TAS2R1: variants seen among roughly 807,000 people sequenced by gnomAD.
The protein encoded by TAS2R1 is taste 2 receptor member 1.
For synonymous variants in TAS2R1, 141 were observed against 134.2 expected, an observed-to-expected ratio of 1.05 and a Z score of -0.35; for missense variants, 370 against 353.4, an observed-to-expected ratio of 1.05 and a Z score of -0.38.
the TAS2R1 span, among the ~76,000 whole-genome samples, chr5:9,872,360 G>C: frequency 6.6e-6 from 1 of 152,152 alleles, no homozygotes; most frequent in African/African-American, 2.4e-5. Context: ...AACAAAGAGA[G>C]AATCATATCT....
At chr5:9,673,279 AC>A (rs1417126855) in intron 1 of TAS2R1, among the ~76,000 whole-genome samples, 1 of 152,164 alleles carries the variant, frequency 6.6e-6, no homozygotes, top group African/African-American at 2.4e-5. Context: ...CTGCACATTT[AC>A]CCCTGAAGCT....
the TAS2R1 span, among the ~76,000 whole-genome samples, chr5:9,869,384 G>A: frequency 2.6e-5 from 4 of 152,180 alleles, no homozygotes; most frequent in Admixed American, 2.6e-4. Flanking sequence ...AGTATGTGCA[G>A]TGAACTGCCC....
At position 9,657,747 on chromosome 5, in the gene TAS2R1, G is replaced by A. The variant is rs114548397; in HGVS notation, c.-81+1674C>T. Reference sequence around the variant, plus strand: ...GTCAGCAGGGGCTGGCGGGGAGTGGGGAATGGGGAGTTACTTAATGAGTGC... The same window carrying A: ...GTCAGCAGGGGCTGGCGGGGAGTGGAGAATGGGGAGTTACTTAATGAGTGC... On this transcript the variant is annotated intron_variant, in intron 2 of 2. Coordinates refer to the TAS2R1 transcript ENST00000506620. Among the ~76,000 whole-genome samples the A allele has an allele frequency of 8.3e-3, 1,267 of 152,206 alleles. 12 individuals carry two copies. Among genetic ancestry groups the A allele is most frequent in the African/African-American group, 0.028 (1,172 of 41,516 alleles).
chr5:9,883,781 G>T, the TAS2R1 span: 2 of 152,202 alleles, frequency 1.3e-5, no homozygotes, highest in African/African-American at 4.8e-5. Flanking sequence ...CAGCTCTGAG[G>T]CTCTGAGCCA....
At chr5:9,708,154 AG>A (rs1741658867) in intron 1 of TAS2R1, among the ~76,000 whole-genome samples, 1 of 152,242 alleles carries the variant, frequency 6.6e-6, no homozygotes, top group Admixed American at 6.5e-5. Flanking sequence ...AAGGGCCCGT[AG>A]AATATTCTTC....
the TAS2R1 span, among the ~76,000 whole-genome samples, chr5:9,830,477 G>A: frequency 1.3e-5 from 2 of 152,090 alleles, no homozygotes; most frequent in South Asian, 4.1e-4. Context: ...GACAGACACA[G>A]AAAAATAGAT....
chr5:9,769,203 C>T, the TAS2R1 span, among the ~76,000 whole-genome samples: 6 of 152,136 alleles, frequency 3.9e-5, no homozygotes, highest in African/African-American at 1.2e-4. Flanking sequence ...TTTCACTTAA[C>T]ATAATGACCT....
chr5:9,695,613 A>C (rs1741341213), intron 1 of TAS2R1, among the ~76,000 whole-genome samples: 1 of 152,154 alleles, frequency 6.6e-6, no homozygotes, highest in African/African-American at 2.4e-5. Flanking sequence ...GGCTGCATAG[A>C]GTCCAGAGAC....
At chr5:9,642,695 T>C (rs1485270428) in intron 2 of TAS2R1, among the ~76,000 whole-genome samples, 4 of 152,176 alleles carry the variant, frequency 2.6e-5, no homozygotes, top group Non-Finnish European at 4.4e-5. Context: ...CACTCAATAT[T>C]CTGAGATGTA....
chr5:9,828,012 A>G, the TAS2R1 span, among the ~76,000 whole-genome samples: 11 of 152,290 alleles, frequency 7.2e-5, no homozygotes, highest in Non-Finnish European at 1.3e-4. Context: ...ATTTTCTAGT[A>G]CCTTCATATT....
At chr5:9,763,125 C>T in the TAS2R1 span, among the ~76,000 whole-genome samples, 2 of 152,116 alleles carry the variant, frequency 1.3e-5, no homozygotes, top group Non-Finnish European at 2.9e-5. Context: ...TTACGCTTAA[C>T]CTTCGGAGAA....
chr5:9,629,393 C>G lies in TAS2R1; in HGVS notation c.640G>C (p.Gly214Arg), dbSNP rs115815829. 1.5e-4 allele frequency: 249 copies of G among 1,614,080 alleles called. No individual in the cohort carries two copies. The African/African-American group carries it at 3.2e-3, about 21-fold the overall frequency. The change falls in exon 1 of 1, where the codon GGC (glycine) becomes CGC (arginine). Residue 214 changes from glycine to arginine, a missense_variant. By Grantham distance (125) the Gly-to-Arg change is moderately radical. Transcript: ENST00000382492. The stretch of plus-strand genomic sequence containing the variant: ...GCACCCCTGCCAGGAACCCTGCTGC[C>G]GGCCACTGTGTTTCTCATTTGCCGG... ...HTRQMRNTVA[G>R]SRVPGRGAPI...
chr5:9,787,934 G>A, the TAS2R1 span, among the ~76,000 whole-genome samples: 8 of 152,304 alleles, frequency 5.3e-5, no homozygotes, highest in East Asian at 5.8e-4. Context: ...GACCAACAGC[G>A]TCTGAGGGGC....
the TAS2R1 span, among the ~76,000 whole-genome samples, chr5:9,730,892 T>G: frequency 1.3e-5 from 2 of 152,210 alleles, no homozygotes; most frequent in East Asian, 3.9e-4. Flanking sequence ...CTCTTGGCTC[T>G]CATTCTCTCT....
chr5:9,823,347 C>T, the TAS2R1 span, among the ~76,000 whole-genome samples: 1 of 151,982 alleles, frequency 6.6e-6, no homozygotes, highest in East Asian at 1.9e-4. Flanking sequence ...AATTTTAATC[C>T]TACAGATATG....
chr5:9,864,590 G>A, the TAS2R1 span, among the ~76,000 whole-genome samples: 5 of 149,712 alleles, frequency 3.3e-5, no homozygotes, highest in South Asian at 2.1e-4. Context: ...CCAAGATCGC[G>A]CCACTTCACT....
chr5:9,735,829 A>G, the TAS2R1 span, among the ~76,000 whole-genome samples: 195 of 152,340 alleles, frequency 1.3e-3, 1 homozygote, highest in Non-Finnish European at 2.3e-3. Context: ...TAACAGCAAT[A>G]TTCCTGCCAT....
At chr5:9,866,403 AT>A in the TAS2R1 span, among the ~76,000 whole-genome samples, 1 of 151,984 alleles carries the variant, frequency 6.6e-6, no homozygotes, top group East Asian at 1.9e-4. Context: ...GACAAACCTT[AT>A]TTTTTTGTAC....
At chr5:9,719,744 G>C in the TAS2R1 span, among the ~76,000 whole-genome samples, 1 of 148,860 alleles carries the variant, frequency 6.7e-6, no homozygotes, top group East Asian at 2.0e-4. Flanking sequence ...GTGAAACCCC[G>C]TCTCTACTAA....
Sources: gnomAD v4.1 joint callset for allele counts (sites outside exome capture counted in the v4.1 genomes callset) on GRCh38, gnomAD v4.1.1 for gene constraint, MANE v1.5 for transcripts, NCBI Gene and HGNC (gene_info 2026-07-23, HGNC 2026-07-21) for gene names.